The following NHSL2 variants were observed in gnomAD, a reference collection of about 807,000 sequenced individuals.
The protein encoded by NHSL2 is NHS-like protein 2.
NHSL2 carries 27 observed loss-of-function variants against 53.4 expected under a neutral mutation model. That is an observed-to-expected ratio of 0.51 (90% CI 0.37 to 0.70). The LOEUF is 0.70. Among genes scored for constraint, NHSL2 ranks in the 30% least tolerant of loss-of-function variants. The probability of loss-of-function intolerance (pLI) is 0.00; values close to 1 mark genes in which losing one functional copy is unlikely to be tolerated. For missense variants in NHSL2, 892 were observed against 980.1 expected (o/e 0.91, Z 1.20); for synonymous variants, 408 against 404.1 (o/e 1.01, Z -0.12).
chrX:72,009,839 T>C (rs73561879), intron 1 of NHSL2, among the ~76,000 whole-genome samples: 5,150 of 112,438 alleles, frequency 0.046, 282 homozygotes, highest in African/African-American at 0.16. Context: ...CAATAAATTG[T>C]GAATGGATAA....
At chrX:72,023,567 C>A (rs773380711) in intron 1 of NHSL2, among the ~76,000 whole-genome samples, 72 of 112,174 alleles carry the variant, frequency 6.4e-4, no homozygotes, top group African/African-American at 2.2e-3. Context: ...AATTCCATGA[C>A]CCTTTGACCT....
chrX:72,131,589 T>C (rs375396361), intron 1 of NHSL2: 1 of 1,111,702 alleles, frequency 9.0e-7, no homozygotes, highest in Middle Eastern at 3.3e-4. Context: ...AAAGGGGAAC[T>C]GGAACTACGG....
chrX:71,975,967 C>T lies in NHSL2; in HGVS notation c.280+64600C>T, dbSNP rs923915413. Among the ~76,000 whole-genome samples, 4 of 111,833 alleles carry T rather than the reference C, an allele frequency of 3.6e-5. No individual in the cohort carries two copies. In the South Asian group the frequency reaches 1.1e-3, roughly 31 times the overall value. ...CTGGGGAAAGTAGCAAAACCCCCCA[C>T]ATCTCTGGGCTAGATTTAACTCCCC... On this transcript the variant is annotated intron_variant, in intron 1 of 7. Coordinates refer to ENST00000633930, the MANE Select transcript of NHSL2 (RefSeq NM_001013627.3).
rs2042400323 is a variant in NHSL2 at position 72,140,030 on chromosome X, C to T, written c.2482C>T (p.Leu828=). 2.5e-6 allele frequency: 3 copies of T among 1,208,346 alleles called. No homozygotes were observed. The highest frequency in any genetic ancestry group is 1.8e-5 in the South Asian group (1 of 56,420). Residue 828 remains leucine, a synonymous_variant, in exon 6 of 8, where the codon CTA becomes TTA. Coordinates refer to ENST00000633930, the MANE Select transcript of NHSL2 (RefSeq NM_001013627.3). ...PIMPMVTQSD[L]RSVRLRSVSK... is the part of the protein sequence containing the mutation. ...CATGCCTATGGTTACTCAGTCCGAC[C>T]TACGTTCTGTTCGCCTGAGGTCGGT...
At chrX:71,921,916 C>T (rs761374220) in intron 1 of NHSL2, among the ~76,000 whole-genome samples, 3 of 111,999 alleles carry the variant, frequency 2.7e-5, no homozygotes, top group African/African-American at 9.7e-5. Context: ...GTTAATAATA[C>T]GGCATAAGAG....
intron 1 of NHSL2, among the ~76,000 whole-genome samples, chrX:72,063,832 G>A (rs979603011): frequency 1.4e-4 from 16 of 110,430 alleles, no homozygotes; most frequent in East Asian, 5.7e-4. Flanking sequence ...ATACTGTACC[G>A]TGGGAATTAA....
At chrX:72,108,681 G>A (rs186226852) in intron 1 of NHSL2, among the ~76,000 whole-genome samples, 8 of 112,568 alleles carry the variant, frequency 7.1e-5, no homozygotes, top group Non-Finnish European at 1.1e-4. Flanking sequence ...GCATCTAGAC[G>A]TGAAATCCCG....
chrX:72,066,195 G>A (rs780584671), intron 1 of NHSL2, among the ~76,000 whole-genome samples: 1 of 111,593 alleles, frequency 9.0e-6, no homozygotes, highest in East Asian at 2.8e-4. Context: ...AGATGATGCC[G>A]TGAAGTGCTC....
chrX:72,130,508 T>G, intron 1 of NHSL2: 1 of 1,211,196 alleles, frequency 8.3e-7, no homozygotes, highest in Non-Finnish European at 1.1e-6. Flanking sequence ...TCATCTTCAC[T>G]GTAGTACTCT....
At chrX:72,088,021 G>A (rs1027705409) in intron 1 of NHSL2, among the ~76,000 whole-genome samples, 33 of 110,579 alleles carry the variant, frequency 3.0e-4, no homozygotes, top group South Asian at 1.2e-3. Flanking sequence ...ACCTGAGGTC[G>A]GGAATTCGAG....
intron 1 of NHSL2, among the ~76,000 whole-genome samples, chrX:72,005,114 G>A (rs1192581071): frequency 8.9e-6 from 1 of 111,970 alleles, no homozygotes; most frequent in African/African-American, 3.3e-5. Flanking sequence ...ATGAATGAAT[G>A]AGTATCTATA....
chrX:71,938,448 C>T (rs966097640), intron 1 of NHSL2, among the ~76,000 whole-genome samples: 1 of 112,386 alleles, frequency 8.9e-6, no homozygotes, highest in African/African-American at 3.2e-5. Flanking sequence ...TCCTTGGCGT[C>T]TTCTTCTCCC....
At chrX:71,984,974 C>T (rs1348421339) in intron 1 of NHSL2, among the ~76,000 whole-genome samples, 1 of 110,568 alleles carries the variant, frequency 9.0e-6, no homozygotes, top group Non-Finnish European at 1.9e-5. Flanking sequence ...CAGGCACCTG[C>T]CACCATGCCC....
chrX:71,993,273 T>A (rs2042035545), intron 1 of NHSL2, among the ~76,000 whole-genome samples: 1 of 112,675 alleles, frequency 8.9e-6, no homozygotes, highest in Admixed American at 9.4e-5. Flanking sequence ...TAGCCCTTGG[T>A]TGAAGACCCA....
chrX:71,984,010 T>G (rs1412921824), intron 1 of NHSL2, among the ~76,000 whole-genome samples: 1 of 111,825 alleles, frequency 8.9e-6, no homozygotes, highest in Non-Finnish European at 1.9e-5. Flanking sequence ...GGTCTCATCC[T>G]TATTTTACCC....
At position 72,028,857 on chromosome X, in the gene NHSL2, C is replaced by T. The variant is rs368510721; in HGVS notation, c.281-103222C>T. 4.6e-4 allele frequency among the ~76,000 whole-genome samples: 52 copies of T among 112,537 alleles called. 1 individual carries two copies. In the South Asian group the frequency reaches 0.019, roughly 40 times the overall value. On this transcript the variant is annotated intron_variant, in intron 1 of 7. Transcript: ENST00000633930. ...TTTGGACATTGTCGGTAGAGCTGGGCCCCTGGTTGGGTCCTCAGCATCATA... is the reference window on the plus strand; with the variant it reads ...TTTGGACATTGTCGGTAGAGCTGGGTCCCTGGTTGGGTCCTCAGCATCATA...
chrX:71,964,112 C>T (rs1332827148), intron 1 of NHSL2, among the ~76,000 whole-genome samples: 1 of 96,183 alleles, frequency 1.0e-5, no homozygotes, highest in African/African-American at 3.7e-5. Flanking sequence ...ATGTGCAGAA[C>T]ATGCAGTTTT....
intron 1 of NHSL2, among the ~76,000 whole-genome samples, chrX:71,998,033 T>C (rs2042057153): frequency 8.9e-6 from 1 of 112,205 alleles, no homozygotes; most frequent in Non-Finnish European, 1.9e-5. Flanking sequence ...TGAAGGAATA[T>C]GCAACAGACT....
chrX:72,065,791 G>C (rs2042425523), intron 1 of NHSL2, among the ~76,000 whole-genome samples: 1 of 111,930 alleles, frequency 8.9e-6, no homozygotes, highest in Non-Finnish European at 1.9e-5. Flanking sequence ...TTGAATCTAG[G>C]CTTCTCTGAC....
Sources: allele counts gnomAD v4.1 joint callset (sites outside exome capture counted in the v4.1 genomes callset), GRCh38; gene constraint gnomAD v4.1.1; transcripts MANE v1.5; gene names NCBI Gene and HGNC (gene_info 2026-07-23, HGNC 2026-07-21).